ARHGEF5: variants seen among roughly 807,000 people sequenced by gnomAD.
ARHGEF5 encodes Rho guanine nucleotide exchange factor (GEF) 5.
ARHGEF5 carries 11 observed loss-of-function variants against 104.0 expected under a neutral mutation model. The observed-to-expected ratio is 0.11, with a 90% CI of 0.07 to 0.18. ARHGEF5 has a LOEUF of 0.18. ARHGEF5 is among the 10% of genes least tolerant of loss of function. The pLI is 1.00. For missense variants in ARHGEF5, 165 were observed against 1,335.4 expected (o/e 0.12, Z 13.66); for synonymous variants, 60 against 512.2 (o/e 0.12, Z 11.92).
At chr7:144,358,837 G>A (rs1404224375) in intron 1 of ARHGEF5, among the ~76,000 whole-genome samples, 7 of 130,444 alleles carry the variant, frequency 5.4e-5, no homozygotes, top group Non-Finnish European at 8.4e-5. Context: ...AGTATTCTGA[G>A]CAGGTGAGTT....
intron 1 of ARHGEF5, among the ~76,000 whole-genome samples, chr7:144,359,910 G>GC (rs1246835670): frequency 6.9e-6 from 1 of 144,592 alleles, no homozygotes; most frequent in Non-Finnish European, 1.5e-5. Context: ...GGAGGCCAGT[G>GC]CCCAAGCTGT....
Position 144,380,036 on chromosome 7 carries a change from C to T in ARHGEF5, c.4774C>T (p.Leu1592=). ...AHRVKTAKLQ[L]VEQQA is the part of the protein sequence containing the mutation. The stretch of plus-strand genomic sequence containing the variant: ...TCGAGTCAAGACTGCCAAACTACAG[C>T]TGGTGGAACAGCAAGCCTAAGTCTT... Residue 1592 remains leucine (L), a synonymous_variant, in exon 15 of 15, where the codon CTG becomes TTG. Transcript: ENST00000056217. 6.2e-7 allele frequency: 1 copy of T among 1,614,212 alleles called. No individual in the cohort carries two copies. The highest frequency in any genetic ancestry group is 8.5e-7 in the Non-Finnish European group (1 of 1,180,034).
intron 14 of ARHGEF5, among the ~76,000 whole-genome samples, chr7:144,379,307 A>G (rs535025290): frequency 1.3e-5 from 2 of 151,920 alleles, no homozygotes; most frequent in South Asian, 2.1e-4. Context: ...GCAACTTCCA[A>G]CTCCTGGGTT....
chr7:144,379,614 A>G (rs1020497642), intron 14 of ARHGEF5, among the ~76,000 whole-genome samples: 13 of 152,192 alleles, frequency 8.5e-5, no homozygotes, highest in African/African-American at 3.1e-4. Context: ...TGGCAACCTC[A>G]TTCCCCATAA....
At chr7:144,378,154 A>C (rs754360740) in intron 13 of ARHGEF5, among the ~76,000 whole-genome samples, 1 of 152,220 alleles carries the variant, frequency 6.6e-6, no homozygotes, top group Non-Finnish European at 1.5e-5. Context: ...ACATAGAAAT[A>C]GAGAAATCTT....
chr7:144,380,108 G>A lies in ARHGEF5; in HGVS notation c.*52G>A. 1 of 1,609,834 alleles carries A rather than the reference G, an allele frequency of 6.2e-7. No individual in the cohort carries two copies. Among genetic ancestry groups the A allele is most frequent in the African/African-American group, 1.3e-5 (1 of 74,976 alleles). On this transcript the variant is annotated 3_prime_UTR_variant, in exon 15 of 15. Transcript: ENST00000056217. ...CTGAAGAACAAGCTGCTCATGGCAA[G>A]GGCTGGCCCCAGAACCCTGCAAGAG...
In ARHGEF5 at chr7:144,380,193, C is replaced by G; in HGVS notation, c.*137C>G. 7 of 1,164,924 alleles carry G rather than the reference C, an allele frequency of 6.0e-6. No individual in the cohort carries two copies. In the South Asian group the frequency reaches 1.1e-4, roughly 18 times the overall value. The allele number at this position is 1,164,924 out of a possible 1,614,324, so 72.2% of individuals were successfully genotyped here. On this transcript the variant is annotated 3_prime_UTR_variant, in exon 15 of 15. Coordinates refer to ENST00000056217, the MANE Select transcript of ARHGEF5 (RefSeq NM_005435.4). ...AAGCTCAAGGACAAAATCCAGCTAA[C>G]CCAGTCCCTCGGCCCAGGCCTCCTT...
chr7:144,379,013 G>A (rs2053781914), intron 14 of ARHGEF5, 147 bp downstream of exon 14: 1 of 788,934 alleles, frequency 1.3e-6, no homozygotes, highest in Non-Finnish European at 2.0e-6. Flanking sequence ...CAGTTCTGGA[G>A]GCAAGAAGTC....
rs764128621 is a variant in ARHGEF5 at position 144,378,882 on chromosome 7, C to A, written c.4636+16C>A. On this transcript the variant is annotated intron_variant, in intron 14 of 14. Coordinates refer to ENST00000056217, the MANE Select transcript of ARHGEF5 (RefSeq NM_005435.4). The stretch of plus-strand genomic sequence containing the variant: ...AGCAGTGACGGTAAGCGGGAGCATG[C>A]GTGAGCAGCAGGCCAGGCACTGCAG... 6.2e-7 allele frequency: 1 copy of A among 1,609,692 alleles called. No homozygotes were observed. The highest frequency in any genetic ancestry group is 8.5e-7 in the Non-Finnish European group (1 of 1,176,270).
Position 144,379,011 on chromosome 7 carries a change from G to A in ARHGEF5, c.4636+145G>A, listed in dbSNP as rs2053781888. The A allele has an allele frequency of 7.6e-6, 6 of 789,874 alleles. No homozygotes were observed. In the South Asian group the frequency reaches 1.0e-4, roughly 13 times the overall value. The allele number at this position is 789,874 out of a possible 1,614,324, so 48.9% of individuals were successfully genotyped here. On this transcript the variant is annotated intron_variant, in intron 14 of 14. Transcript: ENST00000056217. ...AGAAATGCATTCTCTCACAGTTCTG[G>A]AGGCAAGAAGTCCCAAATCAAGGTG...
Position 144,365,541 on chromosome 7 carries a change from G to GGGTGTTCT in ARHGEF5, c.2872_2873insGGTGTTCT (p.Glu958GlyfsTer14). On this transcript the variant is annotated frameshift_variant, in exon 2 of 15. Transcript: ENST00000056217. LOFTEE classifies it high-confidence loss of function. Reference sequence around the variant, plus strand: ...CTCTAAGGATGAAGCAGGGGTCTCAGAACACCCTGAGGCCCCTGCGAGAGA... The same window carrying GGGTGTTCT: ...CTCTAAGGATGAAGCAGGGGTCTCAGGGTGTTCTAACACCCTGAGGCCCCTGCGAGAGA... 1 of 847,472 alleles carries GGGTGTTCT rather than the reference G, an allele frequency of 1.2e-6. No homozygotes were observed. Among genetic ancestry groups the GGGTGTTCT allele is most frequent in the Non-Finnish European group, 1.8e-6 (1 of 561,692 alleles). 52.5% of individuals were successfully genotyped at this position (847,472 alleles called of 1,614,324 possible). A position where few individuals can be genotyped will look rare whatever the true frequency, so the allele number is the denominator to read the frequency against.
intron 13 of ARHGEF5, among the ~76,000 whole-genome samples, chr7:144,377,516 A>G (rs1435602487): frequency 6.6e-6 from 1 of 152,122 alleles, no homozygotes; most frequent in Non-Finnish European, 1.5e-5. Flanking sequence ...GGGTAGGGGA[A>G]GAAAGCCTGA....
intron 13 of ARHGEF5, among the ~76,000 whole-genome samples, chr7:144,378,278 A>G (rs1186733030): frequency 6.6e-6 from 1 of 152,228 alleles, no homozygotes; most frequent in Non-Finnish European, 1.5e-5. Flanking sequence ...CAAACCTGGG[A>G]CACCACTAGT....
chr7:144,377,274 A>T lies in ARHGEF5; in HGVS notation c.4531+84A>T, dbSNP rs1262390831. On this transcript the variant is annotated intron_variant, in intron 13 of 14. Coordinates refer to ENST00000056217, the MANE Select transcript of ARHGEF5 (RefSeq NM_005435.4). The stretch of plus-strand genomic sequence containing the variant: ...ACAGGAGTTTAAAGGGCTGGGTGGG[A>T]ACTCTAGGCTTTCATTTATTGATAT... 5 of 1,549,636 alleles carry T rather than the reference A, an allele frequency of 3.2e-6. No homozygotes were observed. In the African/African-American group the frequency reaches 5.5e-5, roughly 17 times the overall value.
Position 144,379,966 on chromosome 7 carries a change from C to T in ARHGEF5, c.4704C>T (p.Phe1568=), listed in dbSNP as rs61734507. The change falls in exon 15 of 15, where the codon TTC becomes TTT. Residue 1568 remains phenylalanine, a synonymous_variant. Coordinates refer to ENST00000056217, the MANE Select transcript of ARHGEF5 (RefSeq NM_005435.4). ...RGWFPVQQVE[F]ISNPEVRAQN... is the part of the protein sequence containing the mutation. The stretch of plus-strand genomic sequence containing the variant: ...GGTTTCCTGTGCAGCAGGTGGAGTT[C>T]ATTTCCAACCCAGAGGTCCGTGCAC... 2,982 of 1,614,184 alleles carry T rather than the reference C, an allele frequency of 1.8e-3. 47 individuals carry two copies. The African/African-American group carries it at 0.034, about 18-fold the overall frequency.
At chr7:144,377,409 C>T (rs2053768787) in intron 13 of ARHGEF5, among the ~76,000 whole-genome samples, 1 of 152,214 alleles carries the variant, frequency 6.6e-6, no homozygotes, top group South Asian at 2.1e-4. Context: ...ACATTCCCTT[C>T]CTTGGGCAAT....
At chr7:144,378,162 C>T (rs1376168729) in intron 13 of ARHGEF5, among the ~76,000 whole-genome samples, 1 of 152,160 alleles carries the variant, frequency 6.6e-6, no homozygotes, top group African/African-American at 2.4e-5. Flanking sequence ...ATAGAGAAAT[C>T]TTGAATGTCC....
intron 13 of ARHGEF5, among the ~76,000 whole-genome samples, chr7:144,377,401 A>C (rs2053768736): frequency 6.6e-6 from 1 of 152,124 alleles, no homozygotes; most frequent in South Asian, 2.1e-4. Context: ...TTCCCCATAC[A>C]TTCCCTTCCT....
chr7:144,365,749 AG>A lies in ARHGEF5; in HGVS notation c.3085del (p.Ala1029ProfsTer50). Reference sequence around the variant, plus strand: ...AGTGGACAGGCTGTGGCTCCTAGTGAGGGGGCCAACAAGCACAAGGGCTGGA... The same window carrying A: ...AGTGGACAGGCTGTGGCTCCTAGTGAGGGGCCAACAAGCACAAGGGCTGGA... ...DSSGQAVAPS[E>X]GANKHKGWSR... On this transcript the variant is annotated frameshift_variant, in exon 2 of 15. Coordinates refer to ENST00000056217, the MANE Select transcript of ARHGEF5 (RefSeq NM_005435.4). LOFTEE classifies it high-confidence loss of function. 2.7e-6 allele frequency: 1 copy of A among 370,842 alleles called. No homozygotes were observed. The highest frequency in any genetic ancestry group is 8.1e-5 in the African/African-American group (1 of 12,316). The allele number at this position is 370,842 out of a possible 1,614,324, so 23.0% of individuals were successfully genotyped here. A position where few individuals can be genotyped will look rare whatever the true frequency, so the allele number is the denominator to read the frequency against.
Sources: gnomAD v4.1 joint callset for allele counts (sites outside exome capture counted in the v4.1 genomes callset) on GRCh38, gnomAD v4.1.1 for gene constraint, MANE v1.5 for transcripts, NCBI Gene and HGNC (gene_info 2026-07-23, HGNC 2026-07-21) for gene names.